Variants in CELF2 observed in about 807,000 individuals in gnomAD.
CELF2 encodes the protein CUGBP Elav-like family member 2.
In CELF2, 8 loss-of-function variants were observed where a neutral mutation model predicts 62.6. That is an observed-to-expected ratio of 0.13 (90% confidence interval 0.07 to 0.23). The LOEUF (loss-of-function observed/expected upper bound fraction) is 0.23. Ranked by LOEUF, CELF2 falls within the 10% of genes least tolerant of loss-of-function variation. The probability of loss-of-function intolerance (pLI) is 1.00; values close to 1 mark genes in which losing one functional copy is unlikely to be tolerated. For synonymous variants in CELF2, 258 were observed against 250.0 expected, an observed-to-expected ratio of 1.03 and a Z score of -0.30; for missense variants, 333 against 671.0, an observed-to-expected ratio of 0.50 and a Z score of 5.56.
chr10:10,907,987 G>T (rs1001366273), intron 1 of CELF2, among the ~76,000 whole-genome samples: 2 of 152,084 alleles, frequency 1.3e-5, no homozygotes, highest in African/African-American at 4.8e-5. Context: ...TGGGTAAAAT[G>T]CCTCATGAAT....
At chr10:10,625,589 T>C in the CELF2 span, among the ~76,000 whole-genome samples, 1 of 152,144 alleles carries the variant, frequency 6.6e-6, no homozygotes, top group Non-Finnish European at 1.5e-5. Flanking sequence ...CATAATGAAA[T>C]AGCCTCAGGG....
At chr10:11,053,326 T>C (rs2064338896) in intron 1 of CELF2, among the ~76,000 whole-genome samples, 1 of 152,190 alleles carries the variant, frequency 6.6e-6, no homozygotes, top group South Asian at 2.1e-4. Flanking sequence ...AATACTCTGA[T>C]CTCTCTCAGT....
At chr10:10,864,534 G>C (rs2060236827) in intron 1 of CELF2, among the ~76,000 whole-genome samples, 1 of 152,120 alleles carries the variant, frequency 6.6e-6, no homozygotes, top group African/African-American at 2.4e-5. Flanking sequence ...TGTTGATTCA[G>C]TTCCAGGTGA....
At chr10:10,491,750 AAAGTGGTTCATCTAGCTGGTG>A in the CELF2 span, among the ~76,000 whole-genome samples, 11 of 152,204 alleles carry the variant, frequency 7.2e-5, no homozygotes, top group Non-Finnish European at 1.5e-4. Context: ...CACATTGACA[AAAGTGGTTCATCTAGCTGGTG>A]CCAGTAACCA....
rs1192567604 is a variant in CELF2, at chr10:11,329,069, C to T, written c.*16C>T. 6 of 1,600,854 alleles carry T rather than the reference C, an allele frequency of 3.7e-6. No homozygotes were observed. Among genetic ancestry groups the T allele is most frequent in the Admixed American group, 1.7e-5 (1 of 59,352 alleles). On this transcript the variant is annotated 3_prime_UTR_variant, in exon 13 of 13. Transcript: ENST00000633077. The surrounding 1 kb of genome is among the most constrained non-coding windows in gnomAD (Gnocchi z 5.5). ...ACCTTACTGATCCTAACCCCAGAGG[C>T]TCCCTGCTCTCATTTTAGCTTTCTT...
rs11305966 is a variant in CELF2 at position 11,215,591 on chromosome 10, CTTT to C, written c.272-1822_272-1820del. On this transcript the variant is annotated intron_variant, in intron 2 of 12. Coordinates refer to ENST00000633077, the MANE Select transcript of CELF2 (RefSeq NM_001326342.2). Reference sequence around the variant, plus strand: ...ACCTGCCTGAAAGTATCAGATTCTGCTTTTTTTTTTTTTTAACTGTGGTTATTA... The same window carrying C: ...ACCTGCCTGAAAGTATCAGATTCTGCTTTTTTTTTTTAACTGTGGTTATTA... Among the ~76,000 whole-genome samples the C allele has an allele frequency of 4.7e-3, 691 of 147,200 alleles. 7 individuals are homozygous for C. The highest frequency in any genetic ancestry group is 0.016 in the African/African-American group (631 of 40,126).
At chr10:10,678,837 C>T in the CELF2 span, among the ~76,000 whole-genome samples, 45,609 of 152,018 alleles carry the variant, frequency 0.3, 7,414 homozygotes, top group South Asian at 0.52. Flanking sequence ...TCTGAGCTTT[C>T]GAAGTCATTT....
intron 1 of CELF2, among the ~76,000 whole-genome samples, chr10:11,028,159 G>C (rs1188847192): frequency 6.6e-6 from 1 of 152,124 alleles, no homozygotes; most frequent in East Asian, 1.9e-4. Flanking sequence ...TCACCTTTCT[G>C]CATGATGATT....
intron 1 of CELF2, among the ~76,000 whole-genome samples, chr10:10,811,981 G>A (rs1054678582): frequency 1.3e-5 from 2 of 152,024 alleles, no homozygotes; most frequent in Non-Finnish European, 2.9e-5. Context: ...AAAAGTCCCA[G>A]AATCCTAGGA....
At chr10:10,860,451 C>T (rs1389080064) in intron 1 of CELF2, among the ~76,000 whole-genome samples, 7 of 152,142 alleles carry the variant, frequency 4.6e-5, no homozygotes, top group Non-Finnish European at 7.3e-5. Context: ...TGACTAGAGT[C>T]TTCTGATGGA....
chr10:11,313,325 T>C (rs1404988516), intron 9 of CELF2, among the ~76,000 whole-genome samples: 1 of 152,268 alleles, frequency 6.6e-6, no homozygotes. Flanking sequence ...GGAGTTGGAA[T>C]GACAGACGTT....
the CELF2 span, among the ~76,000 whole-genome samples, chr10:10,495,698 T>C: frequency 6.6e-6 from 1 of 152,202 alleles, no homozygotes; most frequent in East Asian, 1.9e-4. Flanking sequence ...TTACCATGAC[T>C]CTAAGTGACC....
At chr10:10,766,515 C>T in the CELF2 span, among the ~76,000 whole-genome samples, 2 of 152,152 alleles carry the variant, frequency 1.3e-5, no homozygotes, top group African/African-American at 2.4e-5. Context: ...TGTAAGGGAC[C>T]TGCCACTAGT....
the CELF2 span, among the ~76,000 whole-genome samples, chr10:10,547,787 G>GGTAAAA: frequency 6.7e-6 from 1 of 149,424 alleles, no homozygotes; most frequent in South Asian, 2.2e-4. Context: ...TCATCAAATA[G>GGTAAAA]GTAAAAGTAT....
intron 1 of CELF2, among the ~76,000 whole-genome samples, chr10:11,112,368 G>A (rs1269642306): frequency 1.3e-5 from 2 of 152,252 alleles, no homozygotes; most frequent in African/African-American, 4.8e-5. Context: ...TGCAGTACGG[G>A]AAAGGGAGTC....
chr10:10,512,974 C>A, the CELF2 span, among the ~76,000 whole-genome samples: 1 of 152,164 alleles, frequency 6.6e-6, no homozygotes, highest in Non-Finnish European at 1.5e-5. Context: ...AAAGTCAAGG[C>A]CCCACAGTTC....
At chr10:10,559,134 G>A in the CELF2 span, among the ~76,000 whole-genome samples, 1 of 152,162 alleles carries the variant, frequency 6.6e-6, no homozygotes, top group African/African-American at 2.4e-5. Flanking sequence ...TGAGGGCACA[G>A]AGCGGGCAAA....
At chr10:10,971,051 T>G (rs2050699966) in intron 2 of CELF2, among the ~76,000 whole-genome samples, 1 of 152,198 alleles carries the variant, frequency 6.6e-6, no homozygotes, top group Non-Finnish European at 1.5e-5. Flanking sequence ...AAAGTTGTTT[T>G]TTGGGTGTAC....
chr10:10,658,722 T>C, the CELF2 span, among the ~76,000 whole-genome samples: 1 of 152,170 alleles, frequency 6.6e-6, no homozygotes, highest in Non-Finnish European at 1.5e-5. Context: ...AATTTGTGAG[T>C]CTATTCTATG....
Sources: gnomAD v4.1 joint callset for allele counts (sites outside exome capture counted in the v4.1 genomes callset) on GRCh38, gnomAD v4.1.1 for gene constraint, Gnocchi (gnomAD v3.1) non-coding constraint, MANE v1.5 for transcripts, NCBI Gene and HGNC (gene_info 2026-07-23, HGNC 2026-07-21) for gene names.